The following ADAMTS16 variants were observed in gnomAD, a reference collection of about 807,000 sequenced individuals.
ADAMTS16 encodes A disintegrin and metalloproteinase with thrombospondin motifs 16.
In ADAMTS16, 94 loss-of-function variants were observed where a neutral mutation model predicts 145.8. That is an observed-to-expected ratio of 0.64 (90% CI 0.55 to 0.77). The LOEUF (loss-of-function observed/expected upper bound fraction) is 0.77, where lower values mean the gene tolerates loss of function less well. ADAMTS16 is among the 30% of genes least tolerant of loss of function. ADAMTS16 has a pLI of 0.00. For missense variants in ADAMTS16, 1,585 were observed against 1,591.5 expected (o/e 1.00, Z 0.07); for synonymous variants, 659 against 604.3 (o/e 1.09, Z -1.33).
At chr5:5,274,239 C>T (rs555081933) in intron 18 of ADAMTS16, among the ~76,000 whole-genome samples, 3 of 152,270 alleles carry the variant, frequency 2.0e-5, no homozygotes, top group South Asian at 4.2e-4. Flanking sequence ...TTTACATGGG[C>T]GCTCACTCTT....
chr5:5,237,166 T>TA, intron 14 of ADAMTS16, 67 bp downstream of exon 14: 1 of 1,539,944 alleles, frequency 6.5e-7, no homozygotes, highest in Non-Finnish European at 8.8e-7. Flanking sequence ...AAGCATCCTG[T>TA]AGAGGCTAGA....
intron 3 of ADAMTS16, among the ~76,000 whole-genome samples, chr5:5,166,890 A>G (rs1734900496): frequency 6.6e-6 from 1 of 152,084 alleles, no homozygotes; most frequent in Non-Finnish European, 1.5e-5. Context: ...TCCTTACAGC[A>G]TCTCTTCCCT....
chr5:5,181,945 T>C, intron 3 of ADAMTS16, 99 bp from the exon 4 acceptor site: 1 of 1,367,280 alleles, frequency 7.3e-7, no homozygotes, highest in Admixed American at 2.2e-5. Flanking sequence ...ACAGCATGCT[T>C]CCAAGAGAAT....
chr5:5,196,856 G>C (rs968431613), intron 8 of ADAMTS16, among the ~76,000 whole-genome samples: 1 of 152,206 alleles, frequency 6.6e-6, no homozygotes, highest in Non-Finnish European at 1.5e-5. Context: ...GGGGGGTCAA[G>C]TAATTTGCCC....
intron 17 of ADAMTS16, among the ~76,000 whole-genome samples, chr5:5,256,834 C>T (rs1737798805): frequency 6.6e-6 from 1 of 152,116 alleles, no homozygotes; most frequent in Non-Finnish European, 1.5e-5. Flanking sequence ...ATCACACCTC[C>T]TAAAAAGCCG....
At chr5:5,306,847 A>G in intron 21 of ADAMTS16, 119 bp downstream of exon 21, 1 of 1,046,730 alleles carries the variant, frequency 9.6e-7, no homozygotes, top group Non-Finnish European at 1.3e-6. Flanking sequence ...AAGCTACTGC[A>G]TGAGGTTTTC....
At chr5:5,146,551 C>T in intron 3 of ADAMTS16, 96 bp downstream of exon 3, 1 of 1,258,900 alleles carries the variant, frequency 7.9e-7, no homozygotes, top group Non-Finnish European at 1.1e-6. Context: ...CATAGATGTT[C>T]TTCTAGTACT....
At chr5:5,186,508 G>A (rs1213582439) in intron 5 of ADAMTS16, among the ~76,000 whole-genome samples, 7 of 152,142 alleles carry the variant, frequency 4.6e-5, no homozygotes, top group Non-Finnish European at 1.0e-4. Flanking sequence ...GTAAGCCTGT[G>A]AGATGTTTTG....
At chr5:5,204,818 G>A (rs1579309027) in intron 9 of ADAMTS16, among the ~76,000 whole-genome samples, 1 of 152,258 alleles carries the variant, frequency 6.6e-6, no homozygotes, top group Non-Finnish European at 1.5e-5. Context: ...ATAAGCACAG[G>A]TGCAATAGAC....
intron 18 of ADAMTS16, among the ~76,000 whole-genome samples, chr5:5,290,104 CAT>C (rs1418910600): frequency 6.6e-6 from 1 of 152,214 alleles, no homozygotes; most frequent in Non-Finnish European, 1.5e-5. Flanking sequence ...ATTTAGGAAA[CAT>C]ATTTCCTTTC....
At chr5:5,156,880 C>T (rs370410363) in intron 3 of ADAMTS16, among the ~76,000 whole-genome samples, 6 of 152,292 alleles carry the variant, frequency 3.9e-5, no homozygotes, top group African/African-American at 1.2e-4. Context: ...TTCTGTCCTT[C>T]GTGATTGTGG....
At chr5:5,167,090 T>G (rs147774822) in intron 3 of ADAMTS16, among the ~76,000 whole-genome samples, 2 of 152,366 alleles carry the variant, frequency 1.3e-5, no homozygotes, top group African/African-American at 4.8e-5. Flanking sequence ...CTTCTTTTTT[T>G]GTACTGCTCA....
intron 11 of ADAMTS16, among the ~76,000 whole-genome samples, chr5:5,229,333 A>C (rs760713235): frequency 6.7e-6 from 1 of 149,338 alleles, no homozygotes; most frequent in Non-Finnish European, 1.5e-5. Flanking sequence ...AAGAAGTTCT[A>C]AGTTGCTAAC....
intron 3 of ADAMTS16, among the ~76,000 whole-genome samples, chr5:5,166,873 C>T (rs1324891087): frequency 2.0e-5 from 3 of 152,192 alleles, no homozygotes; most frequent in African/African-American, 7.2e-5. Context: ...CCACGTGGAA[C>T]TGCAGGTCCT....
intron 9 of ADAMTS16, among the ~76,000 whole-genome samples, chr5:5,206,208 C>T (rs1269688611): frequency 6.6e-6 from 1 of 150,856 alleles, no homozygotes; most frequent in East Asian, 2.0e-4. Context: ...GGGCGGATCA[C>T]GAGGTCAGGA....
chr5:5,308,577 G>T (rs776724920), intron 21 of ADAMTS16, among the ~76,000 whole-genome samples: 1 of 152,176 alleles, frequency 6.6e-6, no homozygotes, highest in Non-Finnish European at 1.5e-5. Context: ...GTGCTAAAAG[G>T]AAGTATGGAC....
intron 12 of ADAMTS16, 36 bp from the exon 13 acceptor site, chr5:5,234,978 A>C: frequency 6.7e-7 from 1 of 1,491,550 alleles, no homozygotes; most frequent in Non-Finnish European, 9.0e-7. Flanking sequence ...TAGCTACTAA[A>C]ATATAAAAAT....
rs1396365614 is a variant in ADAMTS16 at position 5,317,244 on chromosome 5, T to C, written c.3412-890T>C. Among the ~76,000 whole-genome samples the C allele has an allele frequency of 6.6e-6, 1 of 152,226 alleles. No homozygotes were observed. The highest frequency in any genetic ancestry group is 2.4e-5 in the African/African-American group (1 of 41,464). Reference sequence around the variant, plus strand: ...ATAGAAACCAAGATGTTAAGTCTTTTCATGTTTTTCAATCAGAAGGATAAC... The same window carrying C: ...ATAGAAACCAAGATGTTAAGTCTTTCCATGTTTTTCAATCAGAAGGATAAC... On this transcript the variant is annotated intron_variant, in intron 21 of 22. Transcript: ENST00000274181. The surrounding 1 kb of genome is among the most constrained non-coding windows in gnomAD (Gnocchi z 4.5).
chr5:5,239,269 C>T lies in ADAMTS16; in HGVS notation c.2273C>T (p.Thr758Ile), dbSNP rs191916344. 6.4e-7 allele frequency: 1 copy of T among 1,565,662 alleles called. No individual in the cohort carries two copies. The highest frequency in any genetic ancestry group is 2.3e-5 in the East Asian group (1 of 43,996). ...HRGLYTKHHHTNQYYHMVTIP... is the reference protein window; with the variant it reads ...HRGLYTKHHHINQYYHMVTIP... ...GGTCTCTACACCAAGCACCACCACA[C>T]CAACCGTGAGTACTTTAGAGCTGCC... Residue 758 changes from threonine to isoleucine, a missense_variant, in exon 15 of 23, where the codon ACC (threonine) becomes ATC (isoleucine). Thr to Ile is a moderately conservative substitution (Grantham distance 89). This residue lies in a region of ADAMTS16 where 834 missense variants were observed against 811.7 expected (regional missense o/e 1.03). Coordinates refer to ENST00000274181, the MANE Select transcript of ADAMTS16 (RefSeq NM_139056.4).
Sources: allele counts gnomAD v4.1 joint callset (sites outside exome capture counted in the v4.1 genomes callset), GRCh38; gene constraint gnomAD v4.1.1; regional missense constraint gnomAD v4.1.1; non-coding constraint Gnocchi (gnomAD v3.1); transcripts MANE v1.5; gene names NCBI Gene and HGNC (gene_info 2026-07-23, HGNC 2026-07-21).